The following SDF2 variants were observed in gnomAD, a reference collection of about 807,000 sequenced individuals.
SDF2 encodes stromal cell-derived factor 2.
A neutral mutation model predicts 20.5 loss-of-function variants in SDF2; 12 were observed. That is an observed-to-expected ratio of 0.58 (90% confidence interval 0.37 to 0.95). The LOEUF (loss-of-function observed/expected upper bound fraction) is 0.95. SDF2 is among the 40% of genes least tolerant of loss of function. The probability of loss-of-function intolerance (pLI) is 0.01; values close to 1 mark genes in which losing one functional copy is unlikely to be tolerated. For missense variants in SDF2, 238 were observed against 263.1 expected (o/e 0.90, Z 0.66); for synonymous variants, 100 against 101.0 (o/e 0.99, Z 0.06).
At chr17:28,659,187 G>A (rs1313511379) in intron 1 of SDF2, among the ~76,000 whole-genome samples, 1 of 139,670 alleles carries the variant, frequency 7.2e-6, no homozygotes, top group East Asian at 2.3e-4. Flanking sequence ...GCCGGGCAGA[G>A]GCGCTCCTCA....
chr17:28,658,664 C>A (rs1355426763), intron 1 of SDF2, among the ~76,000 whole-genome samples: 1 of 152,284 alleles, frequency 6.6e-6, no homozygotes, highest in East Asian at 1.9e-4. Flanking sequence ...TCTTTCTACA[C>A]AGACACAGTA....
chr17:28,650,831 A>AC (rs2151580841), intron 2 of SDF2, among the ~76,000 whole-genome samples: 2 of 150,322 alleles, frequency 1.3e-5, no homozygotes, highest in African/African-American at 4.9e-5. Context: ...AAAAAAAAAA[A>AC]CAGTTAGGGT....
At chr17:28,657,064 T>C (rs1052124247) in intron 1 of SDF2, among the ~76,000 whole-genome samples, 1 of 151,754 alleles carries the variant, frequency 6.6e-6, no homozygotes, top group African/African-American at 2.4e-5. Flanking sequence ...CCGTCTCTAC[T>C]AAAAATATAA....
intron 1 of SDF2, among the ~76,000 whole-genome samples, chr17:28,660,020 C>T (rs1163512379): frequency 6.6e-6 from 1 of 152,252 alleles, no homozygotes; most frequent in Non-Finnish European, 1.5e-5. Context: ...AGGCAGATCA[C>T]TCGAGGTCAG....
intron 2 of SDF2, 66 bp from the exon 3 acceptor site, chr17:28,649,342 ATGGG>A: frequency 6.6e-7 from 1 of 1,505,636 alleles, no homozygotes. Context: ...GTGGGAGGCA[ATGGG>A]AAGAAAAAGA....
At chr17:28,650,424 A>G (rs2071904082) in intron 2 of SDF2, among the ~76,000 whole-genome samples, 1 of 152,196 alleles carries the variant, frequency 6.6e-6, no homozygotes, top group Non-Finnish European at 1.5e-5. Context: ...TTTGCAATTA[A>G]TACTATAATT....
intron 1 of SDF2, chr17:28,656,261 T>C (rs1013427586): frequency 3.9e-5 from 6 of 151,970 alleles, no homozygotes; most frequent in Non-Finnish European, 5.9e-5. Context: ...TGAGCCACTG[T>C]GCCCAGCCTT....
rs1376888705 is a variant in SDF2 at position 28,649,119 on chromosome 17, G to T, written c.506C>A (p.Pro169His). 3.1e-6 allele frequency: 5 copies of T among 1,614,186 alleles called. No individual in the cohort carries two copies. In the African/African-American group the frequency reaches 6.7e-5, roughly 22 times the overall value. ...LSVTGEQYGR[P>H]ISGQKEVHGM... The stretch of plus-strand genomic sequence containing the variant: ...ATGCACCTCTTTTTGCCCACTGATA[G>T]GTCGACCATATTGTTCTCCTGTGAC... The change falls in exon 3 of 3, where the codon CCT (proline) becomes CAT (histidine). Residue 169 changes from proline (P) to histidine (H), a missense_variant. Pro to His is a moderately conservative substitution (Grantham distance 77, BLOSUM62 -2). Coordinates refer to ENST00000247020, the MANE Select transcript of SDF2 (RefSeq NM_006923.4).
At chr17:28,656,727 G>A (rs2071966600) in intron 1 of SDF2, among the ~76,000 whole-genome samples, 1 of 152,186 alleles carries the variant, frequency 6.6e-6, no homozygotes, top group Non-Finnish European at 1.5e-5. Flanking sequence ...TGAGTTTTTT[G>A]AGGCACAGGC....
intron 2 of SDF2, among the ~76,000 whole-genome samples, chr17:28,654,218 C>T (rs1287578425): frequency 6.6e-6 from 1 of 152,034 alleles, no homozygotes; most frequent in African/African-American, 2.4e-5. Context: ...GGGAGAATTG[C>T]TTGAGCCCAG....
chr17:28,650,066 C>T (rs1333594343), intron 2 of SDF2, among the ~76,000 whole-genome samples: 1 of 152,106 alleles, frequency 6.6e-6, no homozygotes, highest in Non-Finnish European at 1.5e-5. Flanking sequence ...GATTTTCCTG[C>T]CTCAGCCTCC....
chr17:28,657,996 T>C (rs1272460530), intron 1 of SDF2, among the ~76,000 whole-genome samples: 3 of 152,170 alleles, frequency 2.0e-5, no homozygotes. Flanking sequence ...CACGGGTAAA[T>C]GTAGCCAACT....
intron 1 of SDF2, chr17:28,656,024 G>C (rs1489973045): frequency 6.5e-6 from 1 of 153,132 alleles, no homozygotes. Context: ...AAAAAAAACA[G>C]CAAGTGAGCT....
chr17:28,655,592 A>G, intron 1 of SDF2, 109 bp from the exon 2 acceptor site: 1 of 921,560 alleles, frequency 1.1e-6, no homozygotes, highest in South Asian at 1.6e-5. Flanking sequence ...ACCCACCACC[A>G]TGACCAAGGA....
intron 1 of SDF2, chr17:28,661,234 G>C (rs762536206): frequency 6.8e-6 from 3 of 441,062 alleles, no homozygotes; most frequent in Middle Eastern, 3.3e-4. Flanking sequence ...GAAGACAAAG[G>C]GTTGTAGTCA....
At chr17:28,661,291 T>A (rs1226542760) in intron 1 of SDF2, 1 of 389,368 alleles carries the variant, frequency 2.6e-6, no homozygotes, top group East Asian at 7.5e-5. Flanking sequence ...GTACTTACTG[T>A]AACTTTAAAA....
At chr17:28,652,118 C>T (rs992648055) in intron 2 of SDF2, among the ~76,000 whole-genome samples, 1 of 151,830 alleles carries the variant, frequency 6.6e-6, no homozygotes, top group Non-Finnish European at 1.5e-5. Context: ...CTCTAGTGCA[C>T]TATCATCACA....
chr17:28,661,837 T>G lies in SDF2; in HGVS notation c.40A>C (p.Ser14Arg). The change falls in exon 1 of 3, where the codon AGC becomes CGC. Residue 14 changes from serine to arginine, a missense_variant. Coordinates refer to ENST00000247020, the MANE Select transcript of SDF2 (RefSeq NM_006923.4). ...VPLLLLGGLWSAVGASSLGVV... is the reference protein window; with the variant it reads ...VPLLLLGGLWRAVGASSLGVV... Reference sequence around the variant, plus strand: ...CCCAGGCTGGACGCTCCCACAGCGCTCCACAAACCCCCCAACAACAGCAGA... The same window carrying G: ...CCCAGGCTGGACGCTCCCACAGCGCGCCACAAACCCCCCAACAACAGCAGA... 6.2e-7 allele frequency: 1 copy of G among 1,613,836 alleles called. No homozygotes were observed. Among genetic ancestry groups the G allele is most frequent in the Non-Finnish European group, 8.5e-7 (1 of 1,179,898 alleles).
In SDF2 at chr17:28,652,775, G is replaced by A. The variant is rs1381634674; in HGVS notation, c.348+2512C>T. ...TACTGGAGCAAGAAATAAACAAGAT[G>A]AGCCTGGAGCATCTTTTGGTGCCAG... On this transcript the variant is annotated intron_variant, in intron 2 of 2. Coordinates refer to ENST00000247020, the MANE Select transcript of SDF2 (RefSeq NM_006923.4). Among the ~76,000 whole-genome samples, 3 of 152,276 alleles carry A rather than the reference G, an allele frequency of 2.0e-5. No individual in the cohort carries two copies. In the East Asian group the frequency reaches 5.8e-4, roughly 29 times the overall value.
Sources: allele counts gnomAD v4.1 joint callset (sites outside exome capture counted in the v4.1 genomes callset), GRCh38; gene constraint gnomAD v4.1.1; transcripts MANE v1.5; gene names NCBI Gene and HGNC (gene_info 2026-07-23, HGNC 2026-07-21).